HEPHL1: variants seen among roughly 807,000 people sequenced by gnomAD.
HEPHL1 encodes the protein ferroxidase HEPHL1.
In HEPHL1, 123 loss-of-function variants were observed where a neutral mutation model predicts 122.0. That is an observed-to-expected ratio of 1.01 (90% CI 0.87 to 1.17). HEPHL1 has a LOEUF of 1.17. HEPHL1 is among the 50% of genes most tolerant of loss of function. The pLI, the probability that HEPHL1 is intolerant of heterozygous loss-of-function variation, is 0.00. For missense variants in HEPHL1, 1,452 were observed against 1,430.5 expected (o/e 1.01, Z -0.24); for synonymous variants, 527 against 508.9 (o/e 1.04, Z -0.48).
In HEPHL1 at chr11:94,063,733, G is replaced by C; in HGVS notation, c.628+13G>C. On this transcript the variant is annotated intron_variant, in intron 3 of 19. Coordinates refer to ENST00000315765, the MANE Select transcript of HEPHL1 (RefSeq NM_001098672.2). ...GTCTGCAAGGAAGGTAAGGAGCTTT[G>C]TTTCCAGGTAACTAGGGAGTTGAAA... 1 of 1,607,670 alleles carries C rather than the reference G, an allele frequency of 6.2e-7. No individual in the cohort carries two copies. Among genetic ancestry groups the C allele is most frequent in the Non-Finnish European group, 8.5e-7 (1 of 1,174,830 alleles).
intron 6 of HEPHL1, among the ~76,000 whole-genome samples, chr11:94,072,554 A>G (rs982774060): frequency 6.6e-6 from 1 of 152,142 alleles, no homozygotes; most frequent in African/African-American, 2.4e-5. Flanking sequence ...CATATGGTTT[A>G]TATGGTAGCC....
At position 94,021,517 on chromosome 11, in the gene HEPHL1, G is replaced by A. The variant is rs895687583; in HGVS notation, c.149G>A (p.Gly50Glu). The A allele has an allele frequency of 6.2e-7, 1 of 1,609,424 alleles. No individual in the cohort carries two copies. The highest frequency in any genetic ancestry group is 1.7e-4 in the Middle Eastern group (1 of 6,034). Residue 50 changes from glycine (G) to glutamate (E), a missense_variant, in exon 1 of 20, where the codon GGG becomes GAG. Coordinates refer to ENST00000315765, the MANE Select transcript of HEPHL1 (RefSeq NM_001098672.2). ...CCCCAAGGGAAGAATGTTATTACTG[G>A]GAAAAGTTTCACAGAAGACAAGTGA... Reference protein sequence around the residue: ...YVPQGKNVITGKSFTEDKLAT... With the variant: ...YVPQGKNVITEKSFTEDKLAT...
chr11:94,057,646 A>G (rs2134423281), intron 2 of HEPHL1, among the ~76,000 whole-genome samples: 1 of 152,062 alleles, frequency 6.6e-6, no homozygotes, highest in African/African-American at 2.4e-5. Flanking sequence ...AAGATTCTCT[A>G]TTTGTTGAGT....
intron 13 of HEPHL1, among the ~76,000 whole-genome samples, chr11:94,100,777 C>T (rs1271329105): frequency 1.3e-5 from 2 of 152,090 alleles, no homozygotes; most frequent in African/African-American, 4.8e-5. Context: ...TATGGCTTTT[C>T]CTGGAGATGA....
chr11:94,044,763 CT>C (rs112232970), intron 1 of HEPHL1, among the ~76,000 whole-genome samples: 1,461 of 136,284 alleles, frequency 0.011, 10 homozygotes, highest in African/African-American at 0.023. Flanking sequence ...TTCTCCAAAC[CT>C]TTTTTTTTTT....
chr11:94,033,759 T>C (rs1399998740), intron 1 of HEPHL1, among the ~76,000 whole-genome samples: 2 of 152,170 alleles, frequency 1.3e-5, no homozygotes, highest in African/African-American at 4.8e-5. Context: ...CCAAAGCCAT[T>C]AAACACCAAC....
At chr11:94,042,879 A>AAAAAAAAAAAAAC (rs1555058729) in intron 1 of HEPHL1, among the ~76,000 whole-genome samples, 6 of 35,930 alleles carry the variant, frequency 1.7e-4, no homozygotes, top group Non-Finnish European at 1.9e-4. Context: ...GTATAATAAA[A>AAAAAAAAAAAAAC]AAAAAAAAAA....
intron 13 of HEPHL1, among the ~76,000 whole-genome samples, chr11:94,095,267 C>A (rs1313481982): frequency 6.6e-6 from 1 of 152,176 alleles, no homozygotes; most frequent in Non-Finnish European, 1.5e-5. Flanking sequence ...TTCCTCATTT[C>A]TTGTTTTTGT....
intron 11 of HEPHL1, among the ~76,000 whole-genome samples, chr11:94,087,674 A>G (rs1380994514): frequency 6.6e-6 from 1 of 152,164 alleles, no homozygotes; most frequent in Admixed American, 6.5e-5. Context: ...TACATAAAAA[A>G]TAGGCTTCCT....
chr11:94,056,335 C>T (rs1162182928), intron 2 of HEPHL1, among the ~76,000 whole-genome samples: 4 of 152,052 alleles, frequency 2.6e-5, no homozygotes, highest in Non-Finnish European at 4.4e-5. Context: ...GGTGTTAGAC[C>T]ATTCACAGTT....
chr11:94,039,644 G>A (rs1282311549), intron 1 of HEPHL1, among the ~76,000 whole-genome samples: 1 of 151,588 alleles, frequency 6.6e-6, no homozygotes, highest in African/African-American at 2.4e-5. Flanking sequence ...CGAAATGAAG[G>A]CAGAAATAAA....
In HEPHL1 at chr11:94,088,968, G is replaced by C; in HGVS notation, c.2294G>C (p.Arg765Thr). ...CAGCACGTGGACGCAAGAGGGGAAA[G>C]GTACCACAGGCGCCGCCGCTAGGGC... ...EKQHVDARGE[R>T]HGDIFMNRTE... Residue 765 changes from arginine to threonine, a missense_variant and splice_region_variant, in exon 12 of 20, where the codon AGA becomes ACA. By Grantham distance (71) the Arg-to-Thr change is moderately conservative. Transcript: ENST00000315765. 6.2e-7 allele frequency: 1 copy of C among 1,613,858 alleles called. No homozygotes were observed. The highest frequency in any genetic ancestry group is 8.5e-7 in the Non-Finnish European group (1 of 1,179,754).
At chr11:94,105,904 C>A in intron 16 of HEPHL1, 87 bp from the exon 17 acceptor site, 1 of 873,312 alleles carries the variant, frequency 1.1e-6, no homozygotes, top group Admixed American at 2.8e-5. Context: ...ATGAAAATAT[C>A]AGTGACCTAA....
In HEPHL1 at chr11:94,085,957, GT is replaced by G. The variant is rs1565358296; in HGVS notation, c.1868-19del. The stretch of plus-strand genomic sequence containing the variant: ...CCATACACACTGATAATTTTTCACC[GT>G]CTTTCTTCTTCCATTTAGCTGTTAA... On this transcript the variant is annotated intron_variant, in intron 10 of 19. Coordinates refer to ENST00000315765, the MANE Select transcript of HEPHL1 (RefSeq NM_001098672.2). The G allele has an allele frequency of 6.3e-7, 1 of 1,591,942 alleles. No homozygotes were observed.
chr11:94,089,089 CT>C, intron 12 of HEPHL1, 121 bp downstream of exon 12: 1 of 918,470 alleles, frequency 1.1e-6, no homozygotes, highest in Non-Finnish European at 1.7e-6. Context: ...CCGACAGAGA[CT>C]TTTACTTATG....
intron 12 of HEPHL1, among the ~76,000 whole-genome samples, chr11:94,089,910 C>T (rs2134444012): frequency 6.6e-6 from 1 of 152,218 alleles, no homozygotes; most frequent in Admixed American, 6.5e-5. Context: ...CCTCTTTGTT[C>T]TTTATTGCCA....
rs1946471085 is a variant in HEPHL1 at position 94,113,822 on chromosome 11, A to G, written c.*1928A>G. The G allele has an allele frequency of 6.6e-6, 1 of 152,214 alleles. No individual in the cohort carries two copies. Among genetic ancestry groups the G allele is most frequent in the South Asian group, 2.1e-4 (1 of 4,836 alleles). 9.4% of individuals were successfully genotyped at this position (152,214 alleles called of 1,614,324 possible). ...TAGGGGAGGTGGTTAAAGTGGAATTAATTTTTAGATATTTAGGGGCTATGA... is the reference window on the plus strand; with the variant it reads ...TAGGGGAGGTGGTTAAAGTGGAATTGATTTTTAGATATTTAGGGGCTATGA... On this transcript the variant is annotated 3_prime_UTR_variant, in exon 20 of 20. Transcript: ENST00000315765.
rs1290808308 is a variant in HEPHL1, at chr11:94,045,828, G to A, written c.326G>A (p.Gly109Asp). The change falls in exon 2 of 20, where the codon GGT becomes GAT. Residue 109 changes from glycine (G) to aspartate (D), a missense_variant. Physicochemically the swap from Gly to Asp is moderately conservative, Grantham distance 94. Transcript: ENST00000315765. Reference protein sequence around the residue: ...FLGPILRAEVGDVIVIHLKNF... With the variant: ...FLGPILRAEVDDVIVIHLKNF... Reference sequence around the variant, plus strand: ...GGCCCCATCTTGAGGGCCGAAGTGGGTGATGTGATTGTCATTCATTTAAAG... The same window carrying A: ...GGCCCCATCTTGAGGGCCGAAGTGGATGATGTGATTGTCATTCATTTAAAG... 1.9e-6 allele frequency: 3 copies of A among 1,613,920 alleles called. No homozygotes were observed. The highest frequency in any genetic ancestry group is 1.6e-4 in the Middle Eastern group (1 of 6,062).
intron 15 of HEPHL1, among the ~76,000 whole-genome samples, chr11:94,103,932 G>A (rs75121459): frequency 0.024 from 3,691 of 152,274 alleles, 155 homozygotes; most frequent in African/African-American, 0.085. Context: ...CACTTGTGAT[G>A]TGCAAATGAC....
Sources: gnomAD v4.1 joint callset for allele counts (sites outside exome capture counted in the v4.1 genomes callset) on GRCh38, gnomAD v4.1.1 for gene constraint, MANE v1.5 for transcripts, NCBI Gene and HGNC (gene_info 2026-07-23, HGNC 2026-07-21) for gene names.